The following KALRN variants were observed in gnomAD, a reference collection of about 807,000 sequenced individuals.
KALRN encodes kalirin.
A neutral mutation model predicts 353.7 loss-of-function variants in KALRN; 70 were observed. That is an observed-to-expected ratio of 0.20 (90% CI 0.16 to 0.24). The LOEUF (loss-of-function observed/expected upper bound fraction) is 0.24, where lower values mean the gene tolerates loss of function less well. Among genes scored for constraint, KALRN ranks in the 10% least tolerant of loss-of-function variants. The pLI is 1.00. For synonymous variants in KALRN, 1,391 were observed against 1,434.8 expected (o/e 0.97, Z 0.69); for missense variants, 2,791 against 3,756.7 (o/e 0.74, Z 6.72).
chr3:124,273,392 G>A (rs571077080), intron 5 of KALRN, among the ~76,000 whole-genome samples: 22 of 152,240 alleles, frequency 1.4e-4, no homozygotes, highest in Non-Finnish European at 4.4e-5. Context: ...TCTGTCTGGA[G>A]CAGCTCACCA....
In KALRN at chr3:124,719,773, C is replaced by T; in HGVS notation, c.*303C>T. 1 of 255,498 alleles carries T rather than the reference C, an allele frequency of 3.9e-6. No homozygotes were observed. The highest frequency in any genetic ancestry group is 8.3e-5 in the South Asian group (1 of 12,006). 15.8% of individuals were successfully genotyped at this position (255,498 alleles called of 1,614,324 possible). On this transcript the variant is annotated 3_prime_UTR_variant, in exon 60 of 60. Coordinates refer to ENST00000682506, the MANE Select transcript of KALRN (RefSeq NM_001388419.1). The surrounding 1 kb of genome is among the most constrained non-coding windows in gnomAD (Gnocchi z 5.3). ...TGTTACGAAATTTTAACTGTATCTT[C>T]CAAAATGAGTGGTTAACTGGGCAAA... is the stretch of plus-strand genomic sequence containing the variant.
chr3:124,181,190 G>T (rs918115417), intron 1 of KALRN, among the ~76,000 whole-genome samples: 1 of 151,482 alleles, frequency 6.6e-6, no homozygotes, highest in African/African-American at 2.4e-5. Flanking sequence ...GACAGAGATT[G>T]CAGTAAGCCA....
intron 1 of KALRN, among the ~76,000 whole-genome samples, chr3:124,223,492 A>G (rs6789134): frequency 0.097 from 14,778 of 152,208 alleles, 1,073 homozygotes; most frequent in African/African-American, 0.19. Context: ...TTGAAGCAAC[A>G]TTAGAACACT....
intron 1 of KALRN, among the ~76,000 whole-genome samples, chr3:124,170,770 C>A (rs1481619337): frequency 6.9e-6 from 1 of 145,646 alleles, no homozygotes; most frequent in Non-Finnish European, 1.5e-5. Flanking sequence ...AGTCTCAGGG[C>A]ACAAACAACA....
intron 57 of KALRN, among the ~76,000 whole-genome samples, chr3:124,704,633 G>A (rs1486111910): frequency 6.6e-6 from 1 of 151,774 alleles, no homozygotes; most frequent in Non-Finnish European, 1.5e-5. Flanking sequence ...CTGCAGTTTC[G>A]ACCTTCCAGG....
chr3:124,315,764 T>C (rs574381104), intron 6 of KALRN, among the ~76,000 whole-genome samples: 7 of 152,332 alleles, frequency 4.6e-5, no homozygotes, highest in Non-Finnish European at 8.8e-5. Flanking sequence ...CAAAGCTGAC[T>C]TATGCCTTTC....
chr3:124,392,754 G>A (rs995685920), intron 11 of KALRN, among the ~76,000 whole-genome samples: 15 of 150,400 alleles, frequency 1.0e-4, no homozygotes, highest in African/African-American at 2.4e-4. Context: ...ACAGGTGTAC[G>A]GCATCATGCC....
At chr3:124,558,856 G>A (rs1173485691) in intron 33 of KALRN, among the ~76,000 whole-genome samples, 2 of 152,218 alleles carry the variant, frequency 1.3e-5, no homozygotes, top group Non-Finnish European at 2.9e-5. Flanking sequence ...GCTCTGAAAT[G>A]ACAACAGGAG....
At chr3:124,637,406 T>C in intron 37 of KALRN, 103 bp downstream of exon 37, 1 of 841,872 alleles carries the variant, frequency 1.2e-6, no homozygotes, top group Non-Finnish European at 2.0e-6. Flanking sequence ...TCCTCATTCT[T>C]CCTATGTGAT....
intron 1 of KALRN, among the ~76,000 whole-genome samples, chr3:124,169,614 G>A (rs1282313330): frequency 6.6e-6 from 1 of 152,154 alleles, no homozygotes; most frequent in Non-Finnish European, 1.5e-5. Context: ...GGCGCCTCAT[G>A]TCCAGTGAAA....
chr3:124,708,285 A>G (rs1256258244), intron 57 of KALRN, among the ~76,000 whole-genome samples: 3 of 152,226 alleles, frequency 2.0e-5, no homozygotes, highest in African/African-American at 2.4e-5. Context: ...CTCGGGAAGA[A>G]AACAATCAAC....
In KALRN at chr3:124,334,519, T is replaced by A. The variant is rs1270557130; in HGVS notation, c.1647+24T>A. The A allele has an allele frequency of 6.5e-7, 1 of 1,547,450 alleles. No homozygotes were observed. Among genetic ancestry groups the A allele is most frequent in the African/African-American group, 1.4e-5 (1 of 73,426 alleles). Reference sequence around the variant, plus strand: ...AGGTAACAGGCTCTGAGCCCCGGTGTCCATTATCCATTCTAGGAGGCAGAC... The same window carrying A: ...AGGTAACAGGCTCTGAGCCCCGGTGACCATTATCCATTCTAGGAGGCAGAC... On this transcript the variant is annotated intron_variant, in intron 9 of 59. Coordinates refer to ENST00000682506, the MANE Select transcript of KALRN (RefSeq NM_001388419.1). This position sits in a 1 kb window ranked among gnomAD's most constrained non-coding sequence, Gnocchi z 4.2.
intron 1 of KALRN, among the ~76,000 whole-genome samples, chr3:124,059,227 C>T (rs1402549469): frequency 6.6e-6 from 1 of 152,080 alleles, no homozygotes; most frequent in Non-Finnish European, 1.5e-5. Flanking sequence ...AATGTTCTAA[C>T]AATCCAGTAG....
At chr3:124,267,587 A>G (rs990123979) in intron 4 of KALRN, among the ~76,000 whole-genome samples, 2 of 151,996 alleles carry the variant, frequency 1.3e-5, no homozygotes, top group Non-Finnish European at 2.9e-5. Context: ...ATTTTTGCAC[A>G]CTCCCCAAAG....
At chr3:124,249,014 T>C (rs2070740287) in intron 3 of KALRN, among the ~76,000 whole-genome samples, 1 of 152,214 alleles carries the variant, frequency 6.6e-6, no homozygotes, top group Middle Eastern at 3.2e-3. Flanking sequence ...GAAGAGAAAC[T>C]CCCTGTTTTG....
At chr3:124,280,341 C>T (rs888076730) in intron 5 of KALRN, among the ~76,000 whole-genome samples, 1 of 152,186 alleles carries the variant, frequency 6.6e-6, no homozygotes, top group Non-Finnish European at 1.5e-5. Flanking sequence ...CCTGTAGTTA[C>T]ACCCTGCAGT....
At chr3:124,524,176 C>T (rs2067390283) in intron 33 of KALRN, among the ~76,000 whole-genome samples, 1 of 152,192 alleles carries the variant, frequency 6.6e-6, no homozygotes, top group Middle Eastern at 3.2e-3. Flanking sequence ...CCCACGCAAG[C>T]TGCTCCCCAT....
intron 38 of KALRN, among the ~76,000 whole-genome samples, chr3:124,654,202 A>G (rs1319362565): frequency 1.3e-5 from 2 of 152,176 alleles, no homozygotes; most frequent in African/African-American, 4.8e-5. Flanking sequence ...AAATGCTTTC[A>G]TTTGGCCTTG....
At chr3:124,146,527 G>C (rs1406103905) in intron 1 of KALRN, among the ~76,000 whole-genome samples, 1 of 152,120 alleles carries the variant, frequency 6.6e-6, no homozygotes, top group Non-Finnish European at 1.5e-5. Context: ...AGACATCCTG[G>C]CAGGCTAGAG....
Sources: gnomAD v4.1 joint callset for allele counts (sites outside exome capture counted in the v4.1 genomes callset) on GRCh38, gnomAD v4.1.1 for gene constraint, Gnocchi (gnomAD v3.1) non-coding constraint, MANE v1.5 for transcripts, NCBI Gene and HGNC (gene_info 2026-07-23, HGNC 2026-07-21) for gene names.